SAFB2: variants seen among roughly 807,000 people sequenced by gnomAD.
SAFB2 encodes the protein scaffold attachment factor B2.
A neutral mutation model predicts 100.6 loss-of-function variants in SAFB2; 32 were observed. The observed-to-expected ratio is 0.32, with a 90% CI of 0.24 to 0.43. The LOEUF (loss-of-function observed/expected upper bound fraction) is 0.43. Among genes scored for constraint, SAFB2 ranks in the 20% least tolerant of loss-of-function variants. The pLI, the probability that SAFB2 is intolerant of heterozygous loss-of-function variation, is 1.00. For missense variants in SAFB2, 1,185 were observed against 1,163.4 expected (o/e 1.02, Z -0.27); for synonymous variants, 500 against 439.4 (o/e 1.14, Z -1.72).
At chr19:5,610,794 G>T in intron 7 of SAFB2, 106 bp from the exon 8 acceptor site, 1 of 867,640 alleles carries the variant, frequency 1.2e-6, no homozygotes, top group African/African-American at 1.7e-5. Context: ...AAATTAGTCT[G>T]AAATAAAATT....
At chr19:5,595,605 G>T in intron 13 of SAFB2, 108 bp from the exon 14 acceptor site, 1 of 1,359,126 alleles carries the variant, frequency 7.4e-7, no homozygotes. Flanking sequence ...CCCACATGGT[G>T]TAGATGGAAG....
intron 14 of SAFB2, among the ~76,000 whole-genome samples, chr19:5,594,639 G>C (rs1568210525): frequency 6.6e-6 from 1 of 152,222 alleles, no homozygotes; most frequent in East Asian, 1.9e-4. Flanking sequence ...TCAGCACCCA[G>C]GCACCATCCC....
In SAFB2 at chr19:5,617,269, C is replaced by A. The variant is rs141105607; in HGVS notation, c.275-783G>T. On this transcript the variant is annotated intron_variant, in intron 2 of 20. Transcript: ENST00000252542. ...TCTTTGTCATTTTTTAGCTCAAGAA[C>A]TTTTTTTTTTCCCCCAAGGCAAAAA... is the stretch of plus-strand genomic sequence containing the variant. 8.5e-3 allele frequency among the ~76,000 whole-genome samples: 1,272 copies of A among 149,894 alleles called. 13 individuals carry two copies. The highest frequency in any genetic ancestry group is 0.013 in the South Asian group (62 of 4,726).
In SAFB2 at chr19:5,611,342, C is replaced by T; in HGVS notation, c.923G>A (p.Cys308Tyr). 1 of 358,800 alleles carries T rather than the reference C, an allele frequency of 2.8e-6. No individual in the cohort carries two copies. Among genetic ancestry groups the T allele is most frequent in the Middle Eastern group, 6.3e-4 (1 of 1,580 alleles). 22.2% of individuals were successfully genotyped at this position (358,800 alleles called of 1,614,324 possible). Reference sequence around the variant, plus strand: ...TGCCGGCTCTAGCCCTACAGGCTCACAGTCCGTCCTCTCGCCATCGCCTGG... The same window carrying T: ...TGCCGGCTCTAGCCCTACAGGCTCATAGTCCGTCCTCTCGCCATCGCCTGG... Reference protein sequence around the residue: ...EQPGDGERTDCEPVGLEPAVE... With the variant: ...EQPGDGERTDYEPVGLEPAVE... Residue 308 changes from cysteine (C) to tyrosine (Y), a missense_variant, in exon 7 of 21, where the codon TGT becomes TAT. This residue lies in a region of SAFB2 where 351 missense variants were observed against 341.2 expected (regional missense o/e 1.03). Coordinates refer to ENST00000252542, the MANE Select transcript of SAFB2 (RefSeq NM_014649.3).
intron 13 of SAFB2, among the ~76,000 whole-genome samples, chr19:5,597,087 A>G (rs2052549369): frequency 6.6e-6 from 1 of 152,176 alleles, no homozygotes. Context: ...CTGCAGTAGA[A>G]TAAGGTGACA....
intron 11 of SAFB2, among the ~76,000 whole-genome samples, chr19:5,602,857 G>C (rs946231687): frequency 4.7e-4 from 72 of 152,196 alleles, no homozygotes; most frequent in African/African-American, 1.6e-3. Flanking sequence ...TCTTAGCAAT[G>C]CTGATGGGAT....
intron 12 of SAFB2, 64 bp downstream of exon 12, chr19:5,600,066 G>C (rs758505496): frequency 6.5e-7 from 1 of 1,544,562 alleles, no homozygotes; most frequent in Non-Finnish European, 8.7e-7. Context: ...CCTTCCCTCG[G>C]AACCCCCACT....
At chr19:5,602,479 C>CAAAAAA (rs35472223) in intron 11 of SAFB2, among the ~76,000 whole-genome samples, 1 of 39,528 alleles carries the variant, frequency 2.5e-5, no homozygotes, top group Non-Finnish European at 4.4e-5. Context: ...GACTCTGTCT[C>CAAAAAA]AAAAAAAAAA....
intron 4 of SAFB2, among the ~76,000 whole-genome samples, chr19:5,614,461 A>G (rs1165375694): frequency 6.6e-6 from 1 of 152,246 alleles, no homozygotes; most frequent in Non-Finnish European, 1.5e-5. Context: ...TTAACTGAGA[A>G]GTACACACTC....
chr19:5,603,456 A>G lies in SAFB2; in HGVS notation c.1559+1127T>C, dbSNP rs531083750. 5.3e-5 allele frequency among the ~76,000 whole-genome samples: 8 copies of G among 152,336 alleles called. No individual in the cohort carries two copies. The East Asian group carries it at 1.4e-3, about 26-fold the overall frequency. On this transcript the variant is annotated intron_variant, in intron 11 of 20. Coordinates refer to ENST00000252542, the MANE Select transcript of SAFB2 (RefSeq NM_014649.3). ...CTGAGACACTGCCATGATCAGATAC[A>G]ACACGGAAATCTACCTTCTCAAAAG...
intron 2 of SAFB2, among the ~76,000 whole-genome samples, chr19:5,619,596 T>C (rs983506288): frequency 6.6e-6 from 1 of 152,140 alleles, no homozygotes; most frequent in Non-Finnish European, 1.5e-5. Flanking sequence ...TCCCAGCACT[T>C]TGGGAGGCCC....
Position 5,587,681 on chromosome 19 carries a change from C to G in SAFB2, c.2705+20G>C. On this transcript the variant is annotated intron_variant, in intron 20 of 20. Coordinates refer to ENST00000252542, the MANE Select transcript of SAFB2 (RefSeq NM_014649.3). The surrounding 1 kb of genome is among the most constrained non-coding windows in gnomAD (Gnocchi z 4.9). ...AGGAGCAGGAGTGAACCACCGTCCTCCACGGACGACACACCTTACCCCGCC... is the reference window on the plus strand; with the variant it reads ...AGGAGCAGGAGTGAACCACCGTCCTGCACGGACGACACACCTTACCCCGCC... 6.5e-7 allele frequency: 1 copy of G among 1,542,896 alleles called. No homozygotes were observed.
In SAFB2 at chr19:5,614,015, G is replaced by A. The variant is rs918086421; in HGVS notation, c.544-488C>T. 1.1e-4 allele frequency among the ~76,000 whole-genome samples: 16 copies of A among 152,226 alleles called. No individual in the cohort carries two copies. The East Asian group carries it at 1.5e-3, about 15-fold the overall frequency. ...TTTGCCCAGGCTGGAGTGCAATGGC[G>A]CCATCTCGGCTCATTGCAACCTCCA... On this transcript the variant is annotated intron_variant, in intron 4 of 20. Coordinates refer to ENST00000252542, the MANE Select transcript of SAFB2 (RefSeq NM_014649.3).
At chr19:5,595,548 A>C (rs878958239) in intron 13 of SAFB2, 51 bp from the exon 14 acceptor site, 2 of 1,602,586 alleles carry the variant, frequency 1.2e-6, no homozygotes, top group Non-Finnish European at 1.7e-6. Context: ...TGCAACAAAC[A>C]AACAATGGAG....
chr19:5,609,074 A>C (rs1306627146), intron 9 of SAFB2, among the ~76,000 whole-genome samples: 1 of 137,562 alleles, frequency 7.3e-6, no homozygotes, highest in African/African-American at 2.7e-5. Flanking sequence ...AAAAAAAAAA[A>C]GAACAACAAA....
intron 5 of SAFB2, among the ~76,000 whole-genome samples, chr19:5,613,041 G>A (rs1037184772): frequency 1.3e-5 from 2 of 152,204 alleles, no homozygotes; most frequent in African/African-American, 4.8e-5. Context: ...TCCTTCTGGT[G>A]GCCCAGACTC....
intron 11 of SAFB2, 55 bp from the exon 12 acceptor site, chr19:5,600,315 G>C: frequency 6.3e-7 from 1 of 1,594,930 alleles, no homozygotes; most frequent in Non-Finnish European, 8.5e-7. Context: ...TAACAGGAAC[G>C]GCTCACCCAG....
At chr19:5,611,858 A>C in intron 6 of SAFB2, 2 of 722,312 alleles carry the variant, frequency 2.8e-6, no homozygotes, top group Non-Finnish European at 4.9e-6. Flanking sequence ...GCCCCCACAG[A>C]TTTAAACACC....
intron 9 of SAFB2, 148 bp downstream of exon 9, chr19:5,609,847 A>T: frequency 1.5e-6 from 1 of 671,434 alleles, no homozygotes. Flanking sequence ...TATGTTGCCC[A>T]GGCTGGTCTT....
Sources: allele counts gnomAD v4.1 joint callset (sites outside exome capture counted in the v4.1 genomes callset), GRCh38; gene constraint gnomAD v4.1.1; regional missense constraint gnomAD v4.1.1; non-coding constraint Gnocchi (gnomAD v3.1); transcripts MANE v1.5; gene names NCBI Gene and HGNC (gene_info 2026-07-23, HGNC 2026-07-21).